The following FSIP1 variants were observed in gnomAD, a reference collection of about 807,000 sequenced individuals.
FSIP1 encodes the protein fibrous sheath interacting protein 1, also known as fibrous sheath-interacting protein 1.
In FSIP1, 65 loss-of-function variants were observed where a neutral mutation model predicts 60.9. The ratio of observed to expected loss-of-function variants is 1.07; its 90% CI spans 0.87 to 1.31. The LOEUF is 1.31. Among genes scored for constraint, FSIP1 ranks in the 40% most tolerant of loss-of-function variants. FSIP1 has a pLI of 0.00. For missense variants in FSIP1, 675 were observed against 665.5 expected, an observed-to-expected ratio of 1.01 and a Z score of -0.16; for synonymous variants, 209 against 221.2, an observed-to-expected ratio of 0.94 and a Z score of 0.49.
At chr15:39,651,535 T>C (rs1892868929) in intron 10 of FSIP1, among the ~76,000 whole-genome samples, 2 of 152,222 alleles carry the variant, frequency 1.3e-5, no homozygotes, top group Admixed American at 1.3e-4. Flanking sequence ...GCCTCAGTTT[T>C]CTCATCTGTA....
In FSIP1 at chr15:39,765,750, T is replaced by C; in HGVS notation, c.311-4A>G. ...AATTCTTTTAATTTGGGTTCATCTATATTGTGTTGAAAGTAAAAATAGGTT... is the reference window on the plus strand; with the variant it reads ...AATTCTTTTAATTTGGGTTCATCTACATTGTGTTGAAAGTAAAAATAGGTT... On this transcript the variant is annotated splice_region_variant and splice_polypyrimidine_tract_variant and intron_variant, in intron 3 of 11. Coordinates refer to ENST00000350221, the MANE Select transcript of FSIP1 (RefSeq NM_152597.5). 6.8e-7 allele frequency: 1 copy of C among 1,464,606 alleles called. No individual in the cohort carries two copies. Among genetic ancestry groups the C allele is most frequent in the Admixed American group, 2.1e-5 (1 of 47,306 alleles). The allele number at this position is 1,464,606 out of a possible 1,614,324, so 90.7% of individuals were successfully genotyped here.
chr15:39,717,004 A>G (rs2087133), intron 9 of FSIP1, among the ~76,000 whole-genome samples: 104,678 of 151,028 alleles, frequency 0.69, 37,039 homozygotes, highest in South Asian at 0.76. Context: ...TAGTAGAGAC[A>G]GGGTTTCACC....
rs16969594 is a variant in FSIP1, at chr15:39,692,137, A to C, written c.1188+21307T>G. 5.4e-3 allele frequency among the ~76,000 whole-genome samples: 815 copies of C among 152,244 alleles called. 9 individuals are homozygous for C. The highest frequency in any genetic ancestry group is 0.018 in the African/African-American group (767 of 41,548). ...TAATGTAGGGGGAACTCCAGTCAATAAGCAGTGTGAGGTGGAAGGAAAGAA... is the reference window on the plus strand; with the variant it reads ...TAATGTAGGGGGAACTCCAGTCAATCAGCAGTGTGAGGTGGAAGGAAAGAA... On this transcript the variant is annotated intron_variant, in intron 10 of 11. Coordinates refer to ENST00000350221, the MANE Select transcript of FSIP1 (RefSeq NM_152597.5).
chr15:39,721,870 T>C (rs1368008556), intron 9 of FSIP1, among the ~76,000 whole-genome samples: 1 of 152,244 alleles, frequency 6.6e-6, no homozygotes, highest in Admixed American at 6.5e-5. Context: ...TATAGGAATT[T>C]ACCTAATTTT....
At chr15:39,680,815 T>C (rs1894131114) in intron 10 of FSIP1, among the ~76,000 whole-genome samples, 1 of 152,354 alleles carries the variant, frequency 6.6e-6, no homozygotes, top group Non-Finnish European at 1.5e-5. Flanking sequence ...TACCAGACAC[T>C]GTGCTAAGAG....
chr15:39,763,867 A>G lies in FSIP1; in HGVS notation c.513T>C (p.Asn171=), dbSNP rs754158731. ...CAGTCAAAGATAAAAATTTTTTTGT[A>G]TTTTCCATCTCCTCTTTACTTTGCC... The part of the protein sequence containing the change: ...EAWQSKEEME[N]TKKFLSLTAV... Residue 171 remains asparagine (N), a synonymous_variant, in exon 5 of 12, where the codon AAT becomes AAC. Coordinates refer to ENST00000350221, the MANE Select transcript of FSIP1 (RefSeq NM_152597.5). 5.0e-6 allele frequency: 8 copies of G among 1,602,196 alleles called. No individual in the cohort carries two copies. In the Admixed American group the frequency reaches 6.7e-5, roughly 13 times the overall value.
At chr15:39,689,501 G>T (rs901588328) in intron 10 of FSIP1, among the ~76,000 whole-genome samples, 1 of 152,006 alleles carries the variant, frequency 6.6e-6, no homozygotes, top group African/African-American at 2.4e-5. Flanking sequence ...CCAGTCACCA[G>T]TCATCTCATT....
At chr15:39,761,600 T>G (rs1410195575) in intron 5 of FSIP1, among the ~76,000 whole-genome samples, 1 of 152,088 alleles carries the variant, frequency 6.6e-6, no homozygotes, top group Non-Finnish European at 1.5e-5. Context: ...GGCCAAAGGG[T>G]ACAAAGTCTC....
intron 10 of FSIP1, among the ~76,000 whole-genome samples, chr15:39,669,204 C>T (rs986614236): frequency 6.6e-6 from 1 of 152,148 alleles, no homozygotes; most frequent in Non-Finnish European, 1.5e-5. Context: ...ATATTCAGTC[C>T]CTGAACAAGG....
chr15:39,629,004 G>A (rs576899105), intron 10 of FSIP1, among the ~76,000 whole-genome samples: 4 of 152,154 alleles, frequency 2.6e-5, no homozygotes, highest in Admixed American at 1.3e-4. Context: ...CTCAGCTTCC[G>A]TCTGGAAGCT....
Position 39,730,345 on chromosome 15 carries a change from A to G in FSIP1, c.892-3598T>C, listed in dbSNP as rs78366709. 2.2e-3 allele frequency among the ~76,000 whole-genome samples: 334 copies of G among 152,352 alleles called. 2 individuals carry two copies. Among genetic ancestry groups the G allele is most frequent in the Non-Finnish European group, 3.8e-3 (259 of 68,032 alleles). ...AAATAAACACACTTGACTTACCCAC[A>G]TATCTACAGTGGTTCAAACCCTGGG... On this transcript the variant is annotated intron_variant, in intron 8 of 11. Transcript: ENST00000350221.
chr15:39,755,957 G>A (rs2140682313), intron 5 of FSIP1, among the ~76,000 whole-genome samples: 1 of 152,166 alleles, frequency 6.6e-6, no homozygotes, highest in East Asian at 1.9e-4. Context: ...TCCTGGCGAT[G>A]TAAAAGAGTT....
chr15:39,663,148 T>C (rs1220279977), intron 10 of FSIP1, among the ~76,000 whole-genome samples: 1 of 152,220 alleles, frequency 6.6e-6, no homozygotes, highest in African/African-American at 2.4e-5. Flanking sequence ...TCTATTATTG[T>C]TGTTTTCAAA....
chr15:39,724,400 C>T (rs1280810691), intron 9 of FSIP1, among the ~76,000 whole-genome samples: 2 of 151,850 alleles, frequency 1.3e-5, no homozygotes, highest in Admixed American at 6.6e-5. Context: ...TACAGGCACC[C>T]GCCACCACGC....
rs570102645 is a variant in FSIP1 at position 39,755,989 on chromosome 15, TA to T, written c.559+7831del. 4.0e-3 allele frequency among the ~76,000 whole-genome samples: 616 copies of T among 152,102 alleles called. 7 individuals carry two copies. In the South Asian group the frequency reaches 0.043, roughly 11 times the overall value. On this transcript the variant is annotated intron_variant, in intron 5 of 11. Transcript: ENST00000350221. ...AGTTTTGATTTTTGCAACATGCCTC[TA>T]AAAAAACCCAAAAGTGACCCCTCAG...
At chr15:39,700,016 T>G (rs1894992248) in intron 10 of FSIP1, among the ~76,000 whole-genome samples, 1 of 152,208 alleles carries the variant, frequency 6.6e-6, no homozygotes, top group Non-Finnish European at 1.5e-5. Flanking sequence ...ACAAGAGCCC[T>G]GCAGAAAGCC....
intron 10 of FSIP1, among the ~76,000 whole-genome samples, chr15:39,672,947 A>G (rs1484786017): frequency 6.6e-6 from 1 of 152,210 alleles, no homozygotes; most frequent in African/African-American, 2.4e-5. Context: ...ACCAGAAGAA[A>G]TGGTCAGGCC....
At chr15:39,718,227 TAGATATAGATAC>T (rs1271343536) in intron 9 of FSIP1, among the ~76,000 whole-genome samples, 3 of 151,960 alleles carry the variant, frequency 2.0e-5, no homozygotes, top group Non-Finnish European at 2.9e-5. Context: ...GATAGATAGA[TAGATATAGATAC>T]AGATATAGAT....
intron 10 of FSIP1, among the ~76,000 whole-genome samples, chr15:39,711,759 A>G (rs1895522853): frequency 7.6e-6 from 1 of 131,006 alleles, no homozygotes; most frequent in Admixed American, 1.0e-4. Context: ...ATCTCGGCTC[A>G]CTGCAATCTC....
Sources: gnomAD v4.1 joint callset for allele counts (sites outside exome capture counted in the v4.1 genomes callset) on GRCh38, gnomAD v4.1.1 for gene constraint, MANE v1.5 for transcripts, NCBI Gene and HGNC (gene_info 2026-07-23, HGNC 2026-07-21) for gene names.